Variants in IL10RB observed in about 807,000 individuals in gnomAD.
The protein encoded by IL10RB is interleukin 10 receptor subunit beta, also known as interleukin-10 receptor subunit beta.
In IL10RB, 30 loss-of-function variants were observed where a neutral mutation model predicts 38.7. The observed-to-expected ratio is 0.78, with a 90% CI of 0.58 to 1.05. IL10RB has a LOEUF of 1.05. Among genes scored for constraint, IL10RB ranks in the 50% least tolerant of loss-of-function variants. IL10RB has a pLI of 0.00. For missense variants in IL10RB, 328 were observed against 397.1 expected, an observed-to-expected ratio of 0.83 and a Z score of 1.48; for synonymous variants, 142 against 145.9, an observed-to-expected ratio of 0.97 and a Z score of 0.19.
rs571757140 is a variant in IL10RB, at chr21:33,306,107, C to T, written c.130-2869C>T. Among the ~76,000 whole-genome samples, 4 of 152,290 alleles carry T rather than the reference C, an allele frequency of 2.6e-5. 1 individual carries two copies. The East Asian group carries it at 7.7e-4, about 29-fold the overall frequency. ...TCGTCCTCCCAAAGTGCTGGGAATA[C>T]AAGCATGAGCCACCACACCCATTTT... is the stretch of plus-strand genomic sequence containing the variant. On this transcript the variant is annotated intron_variant, in intron 1 of 1. Coordinates refer to the IL10RB transcript ENST00000609556.
In IL10RB at chr21:33,266,790, C is replaced by T. The variant is rs930183598; in HGVS notation, c.49+276C>T. Among the ~76,000 whole-genome samples the T allele has an allele frequency of 5.9e-5, 9 of 152,304 alleles. No individual in the cohort carries two copies. In the East Asian group the frequency reaches 1.5e-3, roughly 26 times the overall value. On this transcript the variant is annotated intron_variant, in intron 1 of 6. Coordinates refer to ENST00000290200, the MANE Select transcript of IL10RB (RefSeq NM_000628.5). ...CCGGCGTCTTTTGATTCCCTGTCCT[C>T]CTGCAGCTCTCTGCTGGCGGGCGTC...
intron 1 of IL10RB, among the ~76,000 whole-genome samples, chr21:33,302,351 G>A (rs1387457943): frequency 1.3e-5 from 2 of 152,200 alleles, no homozygotes; most frequent in African/African-American, 4.8e-5. Flanking sequence ...GGAAGCTGGG[G>A]GTTCCCCGAT....
intron 1 of IL10RB, among the ~76,000 whole-genome samples, chr21:33,303,654 T>G (rs539427975): frequency 2.6e-5 from 4 of 152,272 alleles, no homozygotes; most frequent in Admixed American, 2.6e-4. Context: ...ACTTTCATTT[T>G]TGCCTTATTG....
At chr21:33,273,320 A>AT (rs1234909356) in intron 2 of IL10RB, among the ~76,000 whole-genome samples, 1 of 152,148 alleles carries the variant, frequency 6.6e-6, no homozygotes, top group Non-Finnish European at 1.5e-5. Context: ...AGTCACATGA[A>AT]TTTTTTTGTT....
At chr21:33,287,023 C>T (rs1378760083) in intron 5 of IL10RB, among the ~76,000 whole-genome samples, 2 of 152,158 alleles carry the variant, frequency 1.3e-5, no homozygotes, top group African/African-American at 4.8e-5. Context: ...GGCTTCTACC[C>T]TCCCACAGAG....
In IL10RB at chr21:33,290,823, A is replaced by G. The variant is rs190097058; in HGVS notation, c.804+2562A>G. 2.1e-4 allele frequency among the ~76,000 whole-genome samples: 32 copies of G among 152,314 alleles called. No individual in the cohort carries two copies. In the East Asian group the frequency reaches 6.0e-3, roughly 28 times the overall value. On this transcript the variant is annotated intron_variant, in intron 6 of 6. Coordinates refer to ENST00000290200, the MANE Select transcript of IL10RB (RefSeq NM_000628.5). ...CTGTCAGTGGGCCCATTGGTCTGGC[A>G]CCATGTGATACGGCGTCTCTACTAG...
intron 5 of IL10RB, among the ~76,000 whole-genome samples, chr21:33,283,790 G>A (rs895857476): frequency 2.4e-5 from 1 of 42,468 alleles, no homozygotes; most frequent in Non-Finnish European, 4.9e-5. Context: ...AGGAAGGAAC[G>A]GGAGAAGGAA....
rs189023611 is a variant in IL10RB, at chr21:33,293,093, C to T, written c.805-3091C>T. On this transcript the variant is annotated intron_variant, in intron 6 of 6. Transcript: ENST00000290200. ...TGGTCCTTTAAAGAGGATGTCCTGG[C>T]ATGCCCCACTGCAAGGGTCCCCTCA... is the stretch of plus-strand genomic sequence containing the variant. Among the ~76,000 whole-genome samples the T allele has an allele frequency of 3.9e-5, 6 of 152,332 alleles. No individual in the cohort carries two copies. The South Asian group carries it at 1.0e-3, about 26-fold the overall frequency.
At chr21:33,270,770 G>A (rs1393140659) in intron 2 of IL10RB, among the ~76,000 whole-genome samples, 2 of 151,656 alleles carry the variant, frequency 1.3e-5, no homozygotes, top group African/African-American at 2.4e-5. Context: ...CACCTCCTGG[G>A]TTCAAGCGAT....
chr21:33,279,959 A>G, intron 4 of IL10RB, 41 bp downstream of exon 4: 1 of 1,583,418 alleles, frequency 6.3e-7, no homozygotes, highest in Non-Finnish European at 8.7e-7. Flanking sequence ...GTAGGCTTTC[A>G]TATTCTTTGC....
At chr21:33,272,300 A>G (rs561049099) in intron 2 of IL10RB, among the ~76,000 whole-genome samples, 27 of 152,288 alleles carry the variant, frequency 1.8e-4, no homozygotes, top group Non-Finnish European at 4.0e-4. Context: ...TGTGTACTTA[A>G]TAAATGTTGG....
chr21:33,303,714 TG>T (rs1280593012), intron 1 of IL10RB, among the ~76,000 whole-genome samples: 6 of 152,168 alleles, frequency 3.9e-5, no homozygotes, highest in Non-Finnish European at 8.8e-5. Flanking sequence ...ACAGATGCAT[TG>T]CTGACACCCA....
intron 1 of IL10RB, among the ~76,000 whole-genome samples, chr21:33,303,350 CTTTTTT>C (rs11340111): frequency 9.1e-6 from 1 of 109,972 alleles, no homozygotes. Context: ...CTGTTACTTT[CTTTTTT>C]TTTTTTTTTT....
chr21:33,271,916 CT>C (rs1362214041), intron 2 of IL10RB, among the ~76,000 whole-genome samples: 3 of 151,520 alleles, frequency 2.0e-5, no homozygotes, highest in African/African-American at 7.3e-5. Context: ...ACATAGCAGC[CT>C]CTTGTCTCTA....
At chr21:33,303,070 C>T (rs895465942) in intron 1 of IL10RB, among the ~76,000 whole-genome samples, 28 of 152,178 alleles carry the variant, frequency 1.8e-4, no homozygotes, top group Admixed American at 1.5e-3. Context: ...TCTTCAGGCA[C>T]CTCAACTAAG....
downstream of IL10RB, among the ~76,000 whole-genome samples, chr21:33,301,095 G>T (rs6517159): frequency 2.0e-5 from 3 of 152,092 alleles, no homozygotes; most frequent in Non-Finnish European, 4.4e-5. Context: ...CAGCAAGGGA[G>T]TTAGCTGAGA....
intron 2 of IL10RB, among the ~76,000 whole-genome samples, chr21:33,269,659 T>C (rs1242529619): frequency 6.6e-6 from 1 of 151,018 alleles, no homozygotes. Flanking sequence ...CAATTTTTTT[T>C]TTTTTTTTTT....
rs139381443 is a variant in IL10RB at position 33,295,192 on chromosome 21, T to C, written c.805-992T>C. 1.9e-4 allele frequency among the ~76,000 whole-genome samples: 29 copies of C among 151,896 alleles called. No individual in the cohort carries two copies. The South Asian group carries it at 2.3e-3, about 12-fold the overall frequency. On this transcript the variant is annotated intron_variant, in intron 6 of 6. Coordinates refer to ENST00000290200, the MANE Select transcript of IL10RB (RefSeq NM_000628.5). ...CATCCTAGCTAACGCTGTGAAACCC[T>C]GTCTCTACTAAAAATATTAGCCAGG...
intron 1 of IL10RB, chr21:33,308,183 A>G (rs1026034684): frequency 6.6e-6 from 1 of 152,170 alleles, no homozygotes; most frequent in Non-Finnish European, 1.5e-5. Flanking sequence ...CTTTCTTCAC[A>G]GCTCTCTGGC....
Sources: allele counts gnomAD v4.1 joint callset (sites outside exome capture counted in the v4.1 genomes callset), GRCh38; gene constraint gnomAD v4.1.1; transcripts MANE v1.5; gene names NCBI Gene and HGNC (gene_info 2026-07-23, HGNC 2026-07-21).